Variants in CADM1 observed in about 807,000 individuals in gnomAD.
The protein encoded by CADM1 is cell adhesion molecule 1.
A neutral mutation model predicts 53.1 loss-of-function variants in CADM1; 15 were observed. That is an observed-to-expected ratio of 0.28 (90% CI 0.19 to 0.44). The LOEUF (loss-of-function observed/expected upper bound fraction) is 0.44. Among genes scored for constraint, CADM1 ranks in the 20% least tolerant of loss-of-function variants. The pLI, the probability that CADM1 is intolerant of heterozygous loss-of-function variation, is 1.00. For missense variants in CADM1, 434 were observed against 611.3 expected (o/e 0.71, Z 3.06); for synonymous variants, 281 against 243.0 (o/e 1.16, Z -1.45).
chr11:115,271,849 C>A (rs1943307550), intron 1 of CADM1, among the ~76,000 whole-genome samples: 1 of 152,196 alleles, frequency 6.6e-6, no homozygotes, highest in Non-Finnish European at 1.5e-5. Flanking sequence ...CAAAGATCCA[C>A]TGAGATGTGG....
intron 1 of CADM1, among the ~76,000 whole-genome samples, chr11:115,480,354 G>A (rs1949232034): frequency 6.6e-6 from 1 of 152,210 alleles, no homozygotes; most frequent in African/African-American, 2.4e-5. Flanking sequence ...GGTAGCAAGG[G>A]AACAACAAAG....
At chr11:115,458,626 G>C (rs1410099472) in intron 1 of CADM1, among the ~76,000 whole-genome samples, 1 of 151,656 alleles carries the variant, frequency 6.6e-6, no homozygotes, top group Non-Finnish European at 1.5e-5. Flanking sequence ...TATAAGGGGA[G>C]AGTGTTTTCC....
intron 1 of CADM1, among the ~76,000 whole-genome samples, chr11:115,417,290 A>C (rs1423684929): frequency 1.3e-5 from 2 of 152,174 alleles, no homozygotes; most frequent in Non-Finnish European, 2.9e-5. Context: ...AAGGGAGCTC[A>C]CCGTTTACGG....
At chr11:115,502,892 A>T (rs1949760187) in intron 1 of CADM1, among the ~76,000 whole-genome samples, 1 of 152,132 alleles carries the variant, frequency 6.6e-6, no homozygotes, top group South Asian at 2.1e-4. Flanking sequence ...CGTGGCCCCA[A>T]CGCTGTGCCC....
intron 1 of CADM1, among the ~76,000 whole-genome samples, chr11:115,394,833 A>T (rs1946952259): frequency 1.3e-5 from 2 of 152,288 alleles, no homozygotes; most frequent in African/African-American, 4.8e-5. Flanking sequence ...TTTGAAGCCA[A>T]TTTTTTTAAA....
At chr11:115,328,759 TCTTTTGGGGGGACAA>T (rs1945054063) in intron 1 of CADM1, among the ~76,000 whole-genome samples, 1 of 134,794 alleles carries the variant, frequency 7.4e-6, no homozygotes, top group African/African-American at 2.7e-5. Context: ...GAATCCAATC[TCTTTTGGGGGGACAA>T]AAGAACTTTT....
chr11:115,178,005 G>C (rs1939118018), intron 11 of CADM1, among the ~76,000 whole-genome samples: 1 of 152,184 alleles, frequency 6.6e-6, no homozygotes, highest in Non-Finnish European at 1.5e-5. Flanking sequence ...AAGAGGATCA[G>C]AGCAGCATGG....
chr11:115,361,421 T>C (rs957821779), intron 1 of CADM1, among the ~76,000 whole-genome samples: 5 of 152,188 alleles, frequency 3.3e-5, no homozygotes, highest in African/African-American at 2.4e-5. Flanking sequence ...CAGCTCTCAC[T>C]TGAAACATTT....
intron 1 of CADM1, among the ~76,000 whole-genome samples, chr11:115,275,023 A>C (rs1390037590): frequency 6.6e-6 from 1 of 152,232 alleles, no homozygotes; most frequent in Non-Finnish European, 1.5e-5. Context: ...CTAAATGGTC[A>C]TGCCATTTTC....
intron 1 of CADM1, among the ~76,000 whole-genome samples, chr11:115,312,614 A>G (rs1055054445): frequency 6.6e-6 from 1 of 152,156 alleles, no homozygotes; most frequent in Non-Finnish European, 1.5e-5. Context: ...TAAAACAAAG[A>G]GCTTAGAACA....
At chr11:115,234,765 C>A (rs1045507061) in intron 3 of CADM1, among the ~76,000 whole-genome samples, 5 of 151,856 alleles carry the variant, frequency 3.3e-5, no homozygotes, top group Non-Finnish European at 7.4e-5. Flanking sequence ...AGGTGGCGGG[C>A]ACTTGTAGTT....
chr11:115,319,981 A>C (rs1944778048), intron 1 of CADM1, among the ~76,000 whole-genome samples: 1 of 152,210 alleles, frequency 6.6e-6, no homozygotes, highest in African/African-American at 2.4e-5. Flanking sequence ...CAGAGCTACA[A>C]AAAAATCGGC....
At chr11:115,378,934 C>G (rs754081695) in intron 1 of CADM1, among the ~76,000 whole-genome samples, 6 of 152,158 alleles carry the variant, frequency 3.9e-5, no homozygotes, top group African/African-American at 1.4e-4. Context: ...TTTGATGGCA[C>G]ATTACGTGAG....
intron 1 of CADM1, among the ~76,000 whole-genome samples, chr11:115,388,577 G>GGTATTACATTGT (rs1469531590): frequency 6.6e-6 from 1 of 151,948 alleles, no homozygotes; most frequent in African/African-American, 2.4e-5. Flanking sequence ...AAGGACATTG[G>GGTATTACATTGT]GTACCTCTGG....
chr11:115,185,263 G>A lies in CADM1; in HGVS notation c.1165+5625C>T, dbSNP rs569649397. Among the ~76,000 whole-genome samples, 10 of 152,292 alleles carry A rather than the reference G, an allele frequency of 6.6e-5. No individual in the cohort carries two copies. The South Asian group carries it at 1.9e-3, about 28-fold the overall frequency. On this transcript the variant is annotated intron_variant, in intron 10 of 11. Transcript: ENST00000331581. ...ACCCAAGGCAAATAATTACCAGTTC[G>A]TTAGGGGTAAGCGTGGTACTGCATA... is the stretch of plus-strand genomic sequence containing the variant.
chr11:115,195,376 AATG>A (rs1940095394), intron 9 of CADM1, among the ~76,000 whole-genome samples: 1 of 152,222 alleles, frequency 6.6e-6, no homozygotes, highest in African/African-American at 2.4e-5. Flanking sequence ...AAAATATTTT[AATG>A]AGTCTTCAAA....
chr11:115,327,026 C>T (rs746666365), intron 1 of CADM1, among the ~76,000 whole-genome samples: 21 of 152,092 alleles, frequency 1.4e-4, no homozygotes, highest in South Asian at 4.2e-4. Context: ...ATCAAATATT[C>T]ATTATGTGTC....
chr11:115,174,445 G>A lies in CADM1; in HGVS notation c.*2029C>T. ...TTATAAAATTCATTGAAAAAGGGAT[G>A]TTCATTGTGGCTTTTTGTCTTGGTT... On this transcript the variant is annotated 3_prime_UTR_variant, in exon 12 of 12. Transcript: ENST00000331581. The A allele has an allele frequency of 1.0e-6, 1 of 985,682 alleles. No homozygotes were observed. Among genetic ancestry groups the A allele is most frequent in the Non-Finnish European group, 1.2e-6 (1 of 829,800 alleles). 61.1% of individuals were successfully genotyped at this position (985,682 alleles called of 1,614,324 possible).
chr11:115,396,607 C>G (rs972119607), intron 1 of CADM1: 1 of 152,152 alleles, frequency 6.6e-6, no homozygotes, highest in Admixed American at 6.5e-5. Flanking sequence ...TAGAGTTGTT[C>G]TATTTCATCC....
Sources: gnomAD v4.1 joint callset for allele counts (sites outside exome capture counted in the v4.1 genomes callset) on GRCh38, gnomAD v4.1.1 for gene constraint, MANE v1.5 for transcripts, NCBI Gene and HGNC (gene_info 2026-07-23, HGNC 2026-07-21) for gene names.